Variants in ZBTB21 observed in about 807,000 individuals in gnomAD.
ZBTB21 encodes the protein zinc finger and BTB domain-containing protein 21.
In ZBTB21, 10 loss-of-function variants were observed where a neutral mutation model predicts 39.8. That is an observed-to-expected ratio of 0.25 (90% confidence interval 0.16 to 0.43). The LOEUF is 0.43. Among genes scored for constraint, ZBTB21 ranks in the 20% least tolerant of loss-of-function variants. The probability of loss-of-function intolerance (pLI) is 1.00; values close to 1 mark genes in which losing one functional copy is unlikely to be tolerated. For synonymous variants in ZBTB21, 551 were observed against 498.8 expected (o/e 1.10, Z -1.40); for missense variants, 1,221 against 1,296.3 (o/e 0.94, Z 0.89).
In ZBTB21 at chr21:41,992,714, G is replaced by T. The variant is rs144046665; in HGVS notation, c.1382C>A (p.Ser461Ter). The change falls in exon 3 of 3, where the codon TCG (serine) becomes TAG (stop). Residue 461 changes from serine (S) to a stop codon, truncating the protein, a stop_gained. Transcript: ENST00000310826. LOFTEE classifies it high-confidence loss of function. This position sits in a 1 kb window ranked among gnomAD's most constrained non-coding sequence, Gnocchi z 4.1. ...AATTAAASSS[S>*]VTRDLSLKTE... ...TTTCAGAGACAGGTCTCTTGTGACCGACGAAGATGAGGCAGCTGCTGTTGT... is the reference window on the plus strand; with the variant it reads ...TTTCAGAGACAGGTCTCTTGTGACCTACGAAGATGAGGCAGCTGCTGTTGT... 6.2e-7 allele frequency: 1 copy of T among 1,614,152 alleles called. No individual in the cohort carries two copies. The highest frequency in any genetic ancestry group is 2.2e-5 in the East Asian group (1 of 44,884).
intron 1 of ZBTB21, among the ~76,000 whole-genome samples, chr21:42,006,703 A>G (rs182285727): frequency 6.6e-6 from 1 of 152,340 alleles, no homozygotes; most frequent in African/African-American, 2.4e-5. Context: ...TTTATATGAT[A>G]AAGACTTAGC....
rs756717902 is a variant in ZBTB21, at chr21:41,990,949, G to A, written c.3147C>T (p.His1049=). 44 of 1,514,886 alleles carry A rather than the reference G, an allele frequency of 2.9e-5. No homozygotes were observed. Among genetic ancestry groups the A allele is most frequent in the Non-Finnish European group, 3.6e-5 (41 of 1,133,162 alleles). 93.8% of individuals were successfully genotyped at this position (1,514,886 alleles called of 1,614,324 possible). A position where few individuals can be genotyped will look rare whatever the true frequency, so the allele number is the denominator to read the frequency against. Residue 1049 remains histidine (H), a synonymous_variant, in exon 3 of 3, where the codon CAC becomes CAT. Transcript: ENST00000310826. The stretch of plus-strand genomic sequence containing the variant: ...GACTAAATGCAGTCTTGAATGTCCT[G>A]TGGCAAAGTTTACACATAAACTGTC... The part of the protein sequence containing the change: ...FKRQFMCKLC[H]RTFKTAFSLW...
intron 2 of ZBTB21, among the ~76,000 whole-genome samples, chr21:41,999,533 G>T (rs1384831139): frequency 6.6e-6 from 1 of 152,174 alleles, no homozygotes; most frequent in East Asian, 1.9e-4. Flanking sequence ...ATAAAATAAG[G>T]ATAATACTAG....
At chr21:42,010,135 AAG>A in intron 1 of ZBTB21, 115 bp downstream of exon 1, 1 of 387,900 alleles carries the variant, frequency 2.6e-6, no homozygotes, top group Non-Finnish European at 4.6e-6. Flanking sequence ...GTGGAGAAAA[AAG>A]AGGAGAGAAA....
intron 2 of ZBTB21, among the ~76,000 whole-genome samples, chr21:42,000,667 T>C (rs1055329393): frequency 6.6e-6 from 1 of 152,240 alleles, no homozygotes; most frequent in Non-Finnish European, 1.5e-5. Flanking sequence ...TCCCTATTTC[T>C]GCTCTAAGTC....
chr21:42,003,089 A>T (rs1325549543), intron 1 of ZBTB21, 128 bp from the exon 2 acceptor site: 1 of 152,366 alleles, frequency 6.6e-6, no homozygotes, highest in East Asian at 1.9e-4. Flanking sequence ...TAGGCATGGA[A>T]CCTTCTAAAG....
chr21:42,009,954 G>A (rs1275781022), intron 1 of ZBTB21, among the ~76,000 whole-genome samples: 1 of 152,234 alleles, frequency 6.6e-6, no homozygotes, highest in Non-Finnish European at 1.5e-5. Context: ...AGGGTGAAGA[G>A]TGAAGCCCGT....
In ZBTB21 at chr21:42,006,574, C is replaced by T. The variant is rs147032938; in HGVS notation, c.-78-3613G>A. On this transcript the variant is annotated intron_variant, in intron 1 of 2. Transcript: ENST00000310826. ...TGGAAAGTCCTAGAACTCACCTAAA[C>T]CCCTCCTCAGCACACTACTCAGAAT... is the stretch of plus-strand genomic sequence containing the variant. Among the ~76,000 whole-genome samples the T allele has an allele frequency of 3.2e-3, 492 of 152,248 alleles. 1 individual carries two copies. Among genetic ancestry groups the T allele is most frequent in the African/African-American group, 0.011 (451 of 41,536 alleles).
intron 2 of ZBTB21, among the ~76,000 whole-genome samples, chr21:42,001,936 C>T (rs2146325271): frequency 1.3e-5 from 2 of 152,290 alleles, no homozygotes; most frequent in Middle Eastern, 3.4e-3. Context: ...TGCAACACTA[C>T]AGAGACAAGA....
chr21:42,010,006 G>A (rs1358445596), intron 1 of ZBTB21, among the ~76,000 whole-genome samples: 2 of 152,258 alleles, frequency 1.3e-5, no homozygotes, highest in Non-Finnish European at 2.9e-5. Flanking sequence ...GAGGCCAAGT[G>A]CTGGCAGGGA....
chr21:41,995,624 A>T (rs2065735992), intron 2 of ZBTB21, among the ~76,000 whole-genome samples: 1 of 152,202 alleles, frequency 6.6e-6, no homozygotes, highest in Non-Finnish European at 1.5e-5. Flanking sequence ...TCTGAGAAGA[A>T]ATTCAAACTG....
At position 41,993,502 on chromosome 21, in the gene ZBTB21, A is replaced by T. The variant is rs775016129; in HGVS notation, c.594T>A (p.Leu198=). ...TCTTTTCAGTTAATGACAAATTATG[A>T]AGTGGTTCTATTGGTTTTGGGACAT... ...KPHVPKPIEP[L]HNLSLTEKSW... is the part of the protein sequence containing the mutation. Residue 198 remains leucine (L), a synonymous_variant, in exon 3 of 3, where the codon CTT becomes CTA. Coordinates refer to ENST00000310826, the MANE Select transcript of ZBTB21 (RefSeq NM_001098402.2). The T allele has an allele frequency of 2.5e-6, 4 of 1,614,240 alleles. No individual in the cohort carries two copies. In the South Asian group the frequency reaches 4.4e-5, roughly 18 times the overall value.
chr21:42,006,712 G>T (rs912844322), intron 1 of ZBTB21, among the ~76,000 whole-genome samples: 5 of 152,146 alleles, frequency 3.3e-5, no homozygotes, highest in Admixed American at 3.3e-4. Context: ...TAAAGACTTA[G>T]CCTCCAGTAC....
In ZBTB21 at chr21:41,992,356, A is replaced by G; in HGVS notation, c.1740T>C (p.Cys580=). 1 of 1,614,178 alleles carries G rather than the reference A, an allele frequency of 6.2e-7. No homozygotes were observed. The highest frequency in any genetic ancestry group is 8.5e-7 in the Non-Finnish European group (1 of 1,180,042). The change falls in exon 3 of 3, where the codon TGT becomes TGC. Residue 580 remains cysteine (C), a synonymous_variant. Coordinates refer to ENST00000310826, the MANE Select transcript of ZBTB21 (RefSeq NM_001098402.2). This position sits in a 1 kb window ranked among gnomAD's most constrained non-coding sequence, Gnocchi z 4.1. ...NPEKPYACDI[C]HKRFHTNFKV... ...TGAAGTTGGTGTGAAACCTCTTGTG[A>G]CAGATGTCACAAGCGTAGGGCTTTT...
chr21:42,005,223 A>T (rs2065865128), intron 1 of ZBTB21, among the ~76,000 whole-genome samples: 1 of 152,170 alleles, frequency 6.6e-6, no homozygotes, highest in Non-Finnish European at 1.5e-5. Context: ...TCCTGTTAAC[A>T]GCCCCATGAT....
chr21:41,992,447 T>G lies in ZBTB21; in HGVS notation c.1649A>C (p.His550Pro), dbSNP rs1403884085. The change falls in exon 3 of 3, where the codon CAT becomes CCT. Residue 550 changes from histidine to proline, a missense_variant. His to Pro is a moderately conservative substitution (Grantham distance 77). Coordinates refer to ENST00000310826, the MANE Select transcript of ZBTB21 (RefSeq NM_001098402.2). This position sits in a 1 kb window ranked among gnomAD's most constrained non-coding sequence, Gnocchi z 4.1. ...TGTTGATCTAAAGATCTTAAGGCAA[T>G]GTTTGCATTTAAATTTTTTGTTTGG... ...TRPNKKFKCK[H>P]CLKIFRSTAG... 1 of 1,613,946 alleles carries G rather than the reference T, an allele frequency of 6.2e-7. No individual in the cohort carries two copies. Among genetic ancestry groups the G allele is most frequent in the Non-Finnish European group, 8.5e-7 (1 of 1,180,020 alleles).
At position 41,993,715 on chromosome 21, in the gene ZBTB21, T is replaced by C; in HGVS notation, c.381A>G (p.Pro127=). The C allele has an allele frequency of 1.2e-6, 2 of 1,614,098 alleles. No individual in the cohort carries two copies. Among genetic ancestry groups the C allele is most frequent in the Non-Finnish European group, 1.7e-6 (2 of 1,180,012 alleles). ...IVSKTPQAPF[P]TCPNRKKVFV... ...ACACTTTTTTTCTATTAGGACACGT[T>C]GGAAAGGGGGCTTGAGGTGTTTTAG... is the stretch of plus-strand genomic sequence containing the variant. Residue 127 remains proline (P), a synonymous_variant, in exon 3 of 3, where the codon CCA becomes CCG. Transcript: ENST00000310826.
In ZBTB21 at chr21:41,989,397, TA is replaced by T. The variant is rs972227254; in HGVS notation, c.*1497del. 2.3e-4 allele frequency: 35 copies of T among 152,270 alleles called. No individual in the cohort carries two copies. Among genetic ancestry groups the T allele is most frequent in the African/African-American group, 8.4e-4 (35 of 41,570 alleles). The allele number at this position is 152,270 out of a possible 1,614,324, so 9.4% of individuals were successfully genotyped here. A position where few individuals can be genotyped will look rare whatever the true frequency, so the allele number is the denominator to read the frequency against. On this transcript the variant is annotated 3_prime_UTR_variant, in exon 3 of 3. Transcript: ENST00000310826. Reference sequence around the variant, plus strand: ...ATCTAAAATTATTTCTTAATGACAGTAGTTGGCTTTTAAAAAAAATTTGAAA... The same window carrying T: ...ATCTAAAATTATTTCTTAATGACAGTGTTGGCTTTTAAAAAAAATTTGAAA...
Position 41,987,628 on chromosome 21 carries a change from T to C in ZBTB21, c.*3267A>G, listed in dbSNP as rs2065595488. ...GTTAGATACAATTTATACAGAAATC[T>C]ATTTGGAATTATACCTAATTACTTT... is the stretch of plus-strand genomic sequence containing the variant. On this transcript the variant is annotated 3_prime_UTR_variant, in exon 3 of 3. Transcript: ENST00000310826. 1 of 152,228 alleles carries C rather than the reference T, an allele frequency of 6.6e-6. No individual in the cohort carries two copies. Among genetic ancestry groups the C allele is most frequent in the Non-Finnish European group, 1.5e-5 (1 of 68,026 alleles). 9.4% of individuals were successfully genotyped at this position (152,228 alleles called of 1,614,324 possible).
Sources: gnomAD v4.1 joint callset for allele counts (sites outside exome capture counted in the v4.1 genomes callset) on GRCh38, gnomAD v4.1.1 for gene constraint, Gnocchi (gnomAD v3.1) non-coding constraint, MANE v1.5 for transcripts, NCBI Gene and HGNC (gene_info 2026-07-23, HGNC 2026-07-21) for gene names.